CLMP: variants seen among roughly 807,000 people sequenced by gnomAD.
CLMP encodes CXADR-like membrane protein.
A neutral mutation model predicts 45.2 loss-of-function variants in CLMP; 27 were observed. The observed-to-expected ratio is 0.60, with a 90% CI of 0.44 to 0.82. CLMP has a LOEUF of 0.82. CLMP is among the 40% of genes least tolerant of loss of function. CLMP has a pLI of 0.00. For missense variants in CLMP, 403 were observed against 448.4 expected (o/e 0.90, Z 0.91); for synonymous variants, 167 against 171.4 (o/e 0.97, Z 0.20).
At chr11:123,133,038 G>C (rs1204703215) in intron 1 of CLMP, among the ~76,000 whole-genome samples, 2 of 152,144 alleles carry the variant, frequency 1.3e-5, no homozygotes, top group Non-Finnish European at 2.9e-5. Context: ...CAAAGGCTGG[G>C]GTTATAGGGG....
intron 1 of CLMP, among the ~76,000 whole-genome samples, chr11:123,145,969 G>C (rs1328709191): frequency 6.6e-6 from 1 of 152,240 alleles, no homozygotes; most frequent in Non-Finnish European, 1.5e-5. Flanking sequence ...GGCGGGGTCT[G>C]GGCCTGCGCA....
intron 1 of CLMP, among the ~76,000 whole-genome samples, chr11:123,170,870 G>A (rs1374313984): frequency 6.6e-6 from 1 of 152,200 alleles, no homozygotes; most frequent in African/African-American, 2.4e-5. Flanking sequence ...TTCTTTATCT[G>A]TTCATCACGG....
chr11:123,098,639 G>T (rs1260254800), intron 1 of CLMP, among the ~76,000 whole-genome samples: 1 of 151,074 alleles, frequency 6.6e-6, no homozygotes, highest in Non-Finnish European at 1.5e-5. Context: ...CAATTCAAGA[G>T]ATCCTCCCAC....
At chr11:123,074,154 G>A (rs920102951) in intron 6 of CLMP, among the ~76,000 whole-genome samples, 4 of 148,360 alleles carry the variant, frequency 2.7e-5, no homozygotes, top group Non-Finnish European at 4.5e-5. Context: ...ACTGTTTTAT[G>A]TATATACATA....
At chr11:123,193,283 G>T (rs955787017) in intron 1 of CLMP, among the ~76,000 whole-genome samples, 3 of 152,224 alleles carry the variant, frequency 2.0e-5, no homozygotes, top group African/African-American at 7.2e-5. Context: ...AGCCAACAAG[G>T]ATGGCTGGGC....
At chr11:123,155,095 C>T (rs531204444) in intron 1 of CLMP, among the ~76,000 whole-genome samples, 2 of 152,314 alleles carry the variant, frequency 1.3e-5, no homozygotes, top group African/African-American at 2.4e-5. Context: ...CTCAAGTGAT[C>T]GTCCTGACTT....
intron 5 of CLMP, among the ~76,000 whole-genome samples, chr11:123,078,918 A>G (rs1401961273): frequency 1.3e-5 from 2 of 152,250 alleles, no homozygotes; most frequent in African/African-American, 4.8e-5. Flanking sequence ...TGCTGGGATT[A>G]TAGGCGTGAG....
At chr11:123,162,995 G>A (rs1462005454) in intron 1 of CLMP, among the ~76,000 whole-genome samples, 1 of 152,088 alleles carries the variant, frequency 6.6e-6, no homozygotes, top group Non-Finnish European at 1.5e-5. Flanking sequence ...CAAGGCAGGA[G>A]AGATCATTCC....
chr11:123,152,224 C>G (rs1482832879), intron 1 of CLMP, among the ~76,000 whole-genome samples: 1 of 152,022 alleles, frequency 6.6e-6, no homozygotes, highest in Non-Finnish European at 1.5e-5. Context: ...CACTGCCCAG[C>G]TAAAAAGTGT....
At chr11:123,087,920 T>C (rs1345500338) in intron 2 of CLMP, among the ~76,000 whole-genome samples, 3 of 152,098 alleles carry the variant, frequency 2.0e-5, no homozygotes, top group East Asian at 3.9e-4. Context: ...TCTTTTTTTT[T>C]TTTCTTTGAG....
chr11:123,174,302 G>A (rs976879379), intron 1 of CLMP, among the ~76,000 whole-genome samples: 1 of 152,100 alleles, frequency 6.6e-6, no homozygotes, highest in Non-Finnish European at 1.5e-5. Flanking sequence ...TAGCTTAAAA[G>A]TGTTCTGTTT....
At position 123,154,027 on chromosome 11, in the gene CLMP, T is replaced by C. The variant is rs184490321; in HGVS notation, c.28+40886A>G. ...GGCTTTTCTTCCTTTGGTTCTTTTT[T>C]GTTCCCTTTTATAGAAGGTGTTGGG... On this transcript the variant is annotated intron_variant, in intron 1 of 6. Coordinates refer to ENST00000448775, the MANE Select transcript of CLMP (RefSeq NM_024769.5). 3.3e-5 allele frequency among the ~76,000 whole-genome samples: 5 copies of C among 152,240 alleles called. No homozygotes were observed. The East Asian group carries it at 9.7e-4, about 29-fold the overall frequency.
chr11:123,096,492 C>T (rs1865991224), intron 2 of CLMP, among the ~76,000 whole-genome samples: 1 of 152,042 alleles, frequency 6.6e-6, no homozygotes, highest in South Asian at 2.1e-4. Context: ...CCATTGCACT[C>T]CAGCCTGGAC....
At chr11:123,137,708 G>C (rs1159837719) in intron 1 of CLMP, among the ~76,000 whole-genome samples, 1 of 152,076 alleles carries the variant, frequency 6.6e-6, no homozygotes, top group Non-Finnish European at 1.5e-5. Flanking sequence ...CTCGAAGGCG[G>C]CCACCCTGCC....
rs537556198 is a variant in CLMP, at chr11:123,106,242, T to C, written c.29-8290A>G. On this transcript the variant is annotated intron_variant, in intron 1 of 6. Transcript: ENST00000448775. ...GTGTGGCTCAGGGAAGCAAAAAGAT[T>C]GGACACTCTTGAACAGTTTATTAAA... Among the ~76,000 whole-genome samples the C allele has an allele frequency of 7.9e-5, 12 of 152,240 alleles. No homozygotes were observed. In the South Asian group the frequency reaches 2.1e-3, roughly 26 times the overall value.
intron 1 of CLMP, among the ~76,000 whole-genome samples, chr11:123,172,685 C>G (rs1053508866): frequency 1.1e-4 from 17 of 151,814 alleles, no homozygotes; most frequent in South Asian, 2.1e-4. Flanking sequence ...AGGTTTTAGC[C>G]GTGTTGCCCA....
intron 1 of CLMP, among the ~76,000 whole-genome samples, chr11:123,183,999 G>T (rs1861801811): frequency 6.6e-6 from 1 of 152,162 alleles, no homozygotes. Flanking sequence ...ATCCTCATCT[G>T]CAAAATGAAG....
intron 2 of CLMP, among the ~76,000 whole-genome samples, chr11:123,089,050 G>A (rs1187186398): frequency 6.6e-6 from 1 of 152,208 alleles, no homozygotes; most frequent in Non-Finnish European, 1.5e-5. Context: ...CGCTAGAACA[G>A]TACAGCAAGC....
chr11:123,194,916 G>T lies in CLMP; in HGVS notation c.25C>A (p.Leu9Ile). MSLLLLLLLVSYYVGTLGT... is the reference protein window; with the variant it reads MSLLLLLLIVSYYVGTLGT... ...CCGCCCTCCCAGAGGCACTCACCTAGCAAGAGGAGAAGGAGGAGGGACATC... is the reference window on the plus strand; with the variant it reads ...CCGCCCTCCCAGAGGCACTCACCTATCAAGAGGAGAAGGAGGAGGGACATC... The change falls in exon 1 of 7, where the codon CTA becomes ATA. Residue 9 changes from leucine to isoleucine, a missense_variant. Physicochemically the swap from Leu to Ile is conservative, Grantham distance 5 (BLOSUM62 2). Coordinates refer to ENST00000448775, the MANE Select transcript of CLMP (RefSeq NM_024769.5). 6.2e-7 allele frequency: 1 copy of T among 1,613,452 alleles called. No individual in the cohort carries two copies. The highest frequency in any genetic ancestry group is 8.5e-7 in the Non-Finnish European group (1 of 1,179,654).
Sources: allele counts gnomAD v4.1 joint callset (sites outside exome capture counted in the v4.1 genomes callset), GRCh38; gene constraint gnomAD v4.1.1; transcripts MANE v1.5; gene names NCBI Gene and HGNC (gene_info 2026-07-23, HGNC 2026-07-21).